C12orf50: variants seen among roughly 807,000 people sequenced by gnomAD.
C12orf50 encodes the protein uncharacterized protein C12orf50.
C12orf50 carries 35 observed loss-of-function variants against 61.6 expected under a neutral mutation model. The ratio of observed to expected loss-of-function variants is 0.57; its 90% CI spans 0.43 to 0.75. The LOEUF is 0.75. Ranked by LOEUF, C12orf50 falls within the 30% of genes least tolerant of loss-of-function variation. The probability of loss-of-function intolerance (pLI) is 0.00; values close to 1 mark genes in which losing one functional copy is unlikely to be tolerated. For missense variants in C12orf50, 475 were observed against 488.5 expected (o/e 0.97, Z 0.26); for synonymous variants, 178 against 161.5 (o/e 1.10, Z -0.77).
In C12orf50 at chr12:87,986,332, G is replaced by T; in HGVS notation, c.902C>A (p.Pro301His). 1 of 1,605,610 alleles carries T rather than the reference G, an allele frequency of 6.2e-7. No individual in the cohort carries two copies. Among genetic ancestry groups the T allele is most frequent in the South Asian group, 1.1e-5 (1 of 89,732 alleles). Residue 301 changes from proline to histidine, a missense_variant, in exon 10 of 13, where the codon CCT (proline) becomes CAT (histidine). Physicochemically the swap from Pro to His is moderately conservative, Grantham distance 77. Transcript: ENST00000298699. ...KWIYDEPQNFPNSGMQRAVQA... is the reference protein window; with the variant it reads ...KWIYDEPQNFHNSGMQRAVQA... Reference sequence around the variant, plus strand: ...CTTACCTCTCTGCATTCCAGAGTTAGGAAAGTTCTGTGGTTCATCATAAAT... The same window carrying T: ...CTTACCTCTCTGCATTCCAGAGTTATGAAAGTTCTGTGGTTCATCATAAAT...
chr12:87,998,178 T>C lies in C12orf50; in HGVS notation c.146A>G (p.Gln49Arg). The change falls in exon 4 of 13, where the codon CAG becomes CGG. Residue 49 changes from glutamine to arginine, a missense_variant. Gln to Arg is a conservative substitution (Grantham distance 43). Coordinates refer to ENST00000298699, the MANE Select transcript of C12orf50 (RefSeq NM_152589.3). ...TGGAATTCCTTCCTGAATTTCTTTC[T>C]GTAGTGTGATATCTGCAGAGAAAAT... ...FLPPSSNITL[Q>R]KEIQEGIPLQ... The C allele has an allele frequency of 6.2e-7, 1 of 1,612,158 alleles. No individual in the cohort carries two copies. Among genetic ancestry groups the C allele is most frequent in the Non-Finnish European group, 8.5e-7 (1 of 1,178,762 alleles).
At chr12:87,984,146 A>T (rs964851793) in intron 11 of C12orf50, 1 of 151,788 alleles carries the variant, frequency 6.6e-6, no homozygotes, top group African/African-American at 2.4e-5. Context: ...GCCAGTGATG[A>T]TGAGCATTTT....
chr12:87,980,451 A>C, intron 12 of C12orf50, 95 bp from the exon 13 acceptor site: 1 of 1,094,330 alleles, frequency 9.1e-7, no homozygotes, highest in Non-Finnish European at 1.4e-6. Flanking sequence ...GTAAATCTAA[A>C]GGCAAAGAAA....
At chr12:87,982,947 G>A (rs1289700228) in intron 12 of C12orf50, among the ~76,000 whole-genome samples, 156 bp downstream of exon 12, 1 of 152,102 alleles carries the variant, frequency 6.6e-6, no homozygotes, top group African/African-American at 2.4e-5. Flanking sequence ...TACATTACTA[G>A]TAGACAAGAT....
At chr12:87,999,062 A>C (rs534910623) in intron 3 of C12orf50, among the ~76,000 whole-genome samples, 1 of 152,182 alleles carries the variant, frequency 6.6e-6, no homozygotes, top group Non-Finnish European at 1.5e-5. Context: ...CAAAAGAAAA[A>C]GCAGTCAATG....
At chr12:87,985,641 T>G in intron 11 of C12orf50, 1 of 601,286 alleles carries the variant, frequency 1.7e-6, no homozygotes. Flanking sequence ...TCTGAAGTCA[T>G]CTGCACACAA....
At chr12:88,014,116 T>C (rs1011244619) in intron 3 of C12orf50, among the ~76,000 whole-genome samples, 1 of 152,110 alleles carries the variant, frequency 6.6e-6, no homozygotes, top group African/African-American at 2.4e-5. Context: ...TTCTATAAAA[T>C]ATAAAAAACT....
intron 1 of C12orf50, among the ~76,000 whole-genome samples, chr12:88,028,609 C>T (rs2032791120): frequency 1.3e-5 from 2 of 151,878 alleles, no homozygotes; most frequent in African/African-American, 2.4e-5. Flanking sequence ...GAGGAAAATT[C>T]AGTAATTGGG....
intron 3 of C12orf50, among the ~76,000 whole-genome samples, chr12:88,014,424 C>A (rs1228618673): frequency 6.6e-6 from 1 of 152,106 alleles, no homozygotes; most frequent in South Asian, 2.1e-4. Context: ...GCCTCAGCCT[C>A]CTGAGTAGCT....
chr12:88,010,333 A>T (rs1186044735), intron 3 of C12orf50, among the ~76,000 whole-genome samples: 1 of 151,446 alleles, frequency 6.6e-6, no homozygotes, highest in Admixed American at 6.6e-5. Context: ...GAACCTGTTT[A>T]GTTGTAATTG....
rs772176508 is a variant in C12orf50 at position 87,985,968 on chromosome 12, G to A, written c.1008C>T (p.His336=). Residue 336 remains histidine (H), a synonymous_variant, in exon 11 of 13, where the codon CAC becomes CAT. Coordinates refer to ENST00000298699, the MANE Select transcript of C12orf50 (RefSeq NM_152589.3). ...NRNAENASYI[H]VQRDAVRTVA... is the part of the protein sequence containing the mutation. ...CAGTCCTGACAGCATCTCTTTGAAC[G>A]TGGATATAGGATGCATTCTCCGCAT... 24 of 1,613,736 alleles carry A rather than the reference G, an allele frequency of 1.5e-5. No homozygotes were observed. In the South Asian group the frequency reaches 2.0e-4, roughly 13 times the overall value.
In C12orf50 at chr12:87,993,911, T is replaced by A. The variant is rs930488366; in HGVS notation, c.592+722A>T. On this transcript the variant is annotated intron_variant, in intron 7 of 12. Coordinates refer to ENST00000298699, the MANE Select transcript of C12orf50 (RefSeq NM_152589.3). ...GAATATAGCTCCTTTAAAGTAGACT[T>A]TAAGTCCACTGGGCTCGGTGGCTCG... 2.0e-5 allele frequency among the ~76,000 whole-genome samples: 3 copies of A among 152,088 alleles called. 1 individual carries two copies. The highest frequency in any genetic ancestry group is 7.2e-5 in the African/African-American group (3 of 41,420).
Position 87,998,196 on chromosome 12 carries a change from G to A in C12orf50, c.134-6C>T. ...TTCTTTCTGTAGTGTGATATCTGCA[G>A]AGAAAATGCAACATTTCAGTCTGTT... On this transcript the variant is annotated splice_polypyrimidine_tract_variant and splice_region_variant and intron_variant, in intron 3 of 12. Transcript: ENST00000298699. 1 of 1,608,434 alleles carries A rather than the reference G, an allele frequency of 6.2e-7. No individual in the cohort carries two copies. The highest frequency in any genetic ancestry group is 2.2e-5 in the East Asian group (1 of 44,732).
chr12:87,999,877 G>A (rs1348198767), intron 3 of C12orf50, among the ~76,000 whole-genome samples: 1 of 152,102 alleles, frequency 6.6e-6, no homozygotes, highest in South Asian at 2.1e-4. Context: ...TTGCATGTGA[G>A]AGCATGGATG....
intron 6 of C12orf50, among the ~76,000 whole-genome samples, 191 bp from the exon 7 acceptor site, chr12:87,994,934 A>C (rs762481089): frequency 6.6e-6 from 1 of 152,214 alleles, no homozygotes; most frequent in Non-Finnish European, 1.5e-5. Flanking sequence ...GAAGTAAGCA[A>C]GTATATTCTC....
intron 3 of C12orf50, among the ~76,000 whole-genome samples, chr12:88,002,583 G>C (rs2031695653): frequency 6.6e-6 from 1 of 151,552 alleles, no homozygotes; most frequent in Non-Finnish European, 1.5e-5. Flanking sequence ...TTTTCAGCTT[G>C]TTTGGGCTAT....
intron 3 of C12orf50, among the ~76,000 whole-genome samples, chr12:88,020,382 A>C (rs943710535): frequency 2.6e-5 from 4 of 152,214 alleles, no homozygotes; most frequent in Non-Finnish European, 5.9e-5. Context: ...AAAAAATATC[A>C]GGGGTTGCAA....
intron 3 of C12orf50, among the ~76,000 whole-genome samples, chr12:88,003,859 G>GCA (rs2031749116): frequency 6.6e-6 from 1 of 151,934 alleles, no homozygotes; most frequent in Non-Finnish European, 1.5e-5. Flanking sequence ...AATTAAATCT[G>GCA]GGGAATTTCA....
intron 1 of C12orf50, among the ~76,000 whole-genome samples, chr12:88,028,309 G>C (rs1360449910): frequency 2.0e-5 from 3 of 152,156 alleles, no homozygotes; most frequent in Non-Finnish European, 4.4e-5. Flanking sequence ...TCCAATTTCT[G>C]TGGTCAGAGA....
Sources: gnomAD v4.1 joint callset for allele counts (sites outside exome capture counted in the v4.1 genomes callset) on GRCh38, gnomAD v4.1.1 for gene constraint, MANE v1.5 for transcripts, NCBI Gene and HGNC (gene_info 2026-07-23, HGNC 2026-07-21) for gene names.